Variants in DCC observed in about 807,000 individuals in gnomAD.
DCC encodes netrin receptor DCC.
A neutral mutation model predicts 172.5 loss-of-function variants in DCC; 58 were observed. The observed-to-expected ratio is 0.34, with a 90% CI of 0.27 to 0.42. DCC has a LOEUF of 0.42. Among genes scored for constraint, DCC ranks in the 10% least tolerant of loss-of-function variants. The probability of loss-of-function intolerance (pLI) is 1.00; values close to 1 mark genes in which losing one functional copy is unlikely to be tolerated. For synonymous variants in DCC, 709 were observed against 644.5 expected (o/e 1.10, Z -1.52); for missense variants, 1,740 against 1,791.0 (o/e 0.97, Z 0.51).
chr18:52,642,144 A>C (rs1055991005), intron 1 of DCC, among the ~76,000 whole-genome samples: 2 of 151,284 alleles, frequency 1.3e-5, no homozygotes, highest in African/African-American at 4.9e-5. Context: ...TGCAGCCATA[A>C]AAAGGAATGA....
At chr18:53,010,923 T>A (rs572224883) in intron 5 of DCC, among the ~76,000 whole-genome samples, 25 of 151,452 alleles carry the variant, frequency 1.7e-4, no homozygotes, top group African/African-American at 6.0e-4. Flanking sequence ...TTTATCATAA[T>A]TATTTTAGGG....
chr18:52,842,827 T>C (rs1295159948), intron 2 of DCC, among the ~76,000 whole-genome samples: 1 of 152,130 alleles, frequency 6.6e-6, no homozygotes, highest in Non-Finnish European at 1.5e-5. Context: ...ACCTGCAACC[T>C]AGGATCCAGG....
At chr18:52,701,492 C>T (rs59275519) in intron 1 of DCC, among the ~76,000 whole-genome samples, 84 of 152,204 alleles carry the variant, frequency 5.5e-4, no homozygotes, top group Non-Finnish European at 1.0e-3. Context: ...TATGATAAGA[C>T]GAAATGCAAT....
chr18:53,171,699 G>A (rs1203114235), intron 8 of DCC, among the ~76,000 whole-genome samples: 1 of 151,806 alleles, frequency 6.6e-6, no homozygotes, highest in East Asian at 1.9e-4. Flanking sequence ...TTCCTTTAAA[G>A]TATACCTGTT....
intron 1 of DCC, among the ~76,000 whole-genome samples, chr18:52,369,479 C>T (rs1162817591): frequency 6.6e-6 from 1 of 151,838 alleles, no homozygotes; most frequent in African/African-American, 2.4e-5. Flanking sequence ...GTGTAGGAGC[C>T]GATGGAAGAG....
intron 7 of DCC, among the ~76,000 whole-genome samples, chr18:53,146,856 A>T (rs952442515): frequency 2.6e-5 from 4 of 152,232 alleles, no homozygotes; most frequent in African/African-American, 9.6e-5. Flanking sequence ...GTGCTGTGTT[A>T]TAGTTTGAAT....
intron 2 of DCC, among the ~76,000 whole-genome samples, chr18:52,877,466 T>C (rs1179026657): frequency 6.6e-6 from 1 of 152,138 alleles, no homozygotes; most frequent in African/African-American, 2.4e-5. Flanking sequence ...CCTAGCACTT[T>C]GGGAGGCTGA....
At chr18:52,881,102 G>A (rs2039478893) in intron 2 of DCC, among the ~76,000 whole-genome samples, 2 of 152,058 alleles carry the variant, frequency 1.3e-5, no homozygotes, top group Admixed American at 6.6e-5. Context: ...GCATTTTTCT[G>A]ATGATCGATG....
At chr18:53,078,066 T>A (rs1350336032) in intron 7 of DCC, among the ~76,000 whole-genome samples, 1 of 152,194 alleles carries the variant, frequency 6.6e-6, no homozygotes. Flanking sequence ...TCAAATGCAA[T>A]TAAAGCATAG....
chr18:53,263,130 T>A (rs905201916), intron 12 of DCC, among the ~76,000 whole-genome samples: 2 of 152,164 alleles, frequency 1.3e-5, no homozygotes, highest in African/African-American at 4.8e-5. Context: ...TTCAACAATA[T>A]GCAGAGTGAA....
chr18:53,315,860 A>G (rs1460144273), intron 13 of DCC, among the ~76,000 whole-genome samples: 2 of 151,744 alleles, frequency 1.3e-5, no homozygotes, highest in African/African-American at 2.4e-5. Context: ...TAGATTCTGG[A>G]TATTAGCCCT....
At chr18:52,995,093 C>A (rs530948168) in intron 5 of DCC, among the ~76,000 whole-genome samples, 5 of 152,166 alleles carry the variant, frequency 3.3e-5, no homozygotes, top group African/African-American at 9.6e-5. Context: ...TTAAACCCAG[C>A]AAACTGGTGT....
At chr18:53,261,725 T>C (rs1394333314) in intron 12 of DCC, among the ~76,000 whole-genome samples, 5 of 152,130 alleles carry the variant, frequency 3.3e-5, no homozygotes, top group Admixed American at 2.6e-4. Flanking sequence ...GGTCTTGATC[T>C]CCTGACCTTG....
intron 1 of DCC, among the ~76,000 whole-genome samples, chr18:52,628,319 A>G (rs890981326): frequency 1.1e-4 from 16 of 152,262 alleles, no homozygotes; most frequent in Admixed American, 1.0e-3. Context: ...TTGTCAAGAA[A>G]AGATTCTGCA....
At chr18:52,437,767 G>A (rs949247098) in intron 1 of DCC, among the ~76,000 whole-genome samples, 1 of 152,128 alleles carries the variant, frequency 6.6e-6, no homozygotes, top group African/African-American at 2.4e-5. Context: ...TTAACCACTA[G>A]GTCTTGGCTA....
chr18:53,300,273 G>A (rs901108109), intron 12 of DCC, among the ~76,000 whole-genome samples: 3 of 152,164 alleles, frequency 2.0e-5, no homozygotes, highest in African/African-American at 7.2e-5. Context: ...GTTATGCTTA[G>A]AGCAGGGTAA....
At chr18:52,477,467 C>T (rs1989126664) in intron 1 of DCC, among the ~76,000 whole-genome samples, 1 of 152,194 alleles carries the variant, frequency 6.6e-6, no homozygotes, top group South Asian at 2.1e-4. Context: ...AATGAAGTCA[C>T]TTGTGTCAAA....
At chr18:52,843,936 A>G (rs994423062) in intron 2 of DCC, among the ~76,000 whole-genome samples, 2 of 152,204 alleles carry the variant, frequency 1.3e-5, no homozygotes, top group Middle Eastern at 6.8e-3. Context: ...TACAACTTTA[A>G]TCCTCCTTAG....
intron 1 of DCC, among the ~76,000 whole-genome samples, chr18:52,551,699 C>G (rs2032774156): frequency 6.7e-6 from 1 of 150,252 alleles, no homozygotes; most frequent in South Asian, 2.1e-4. Flanking sequence ...GGTCATGCAG[C>G]CTCCCTTTAT....
Sources: allele counts gnomAD v4.1 joint callset (sites outside exome capture counted in the v4.1 genomes callset), GRCh38; gene constraint gnomAD v4.1.1; transcripts MANE v1.5; gene names NCBI Gene and HGNC (gene_info 2026-07-23, HGNC 2026-07-21).